MANBA: variants seen among roughly 807,000 people sequenced by gnomAD.
MANBA encodes beta-mannosidase.
In MANBA, 83 loss-of-function variants were observed where a neutral mutation model predicts 111.1. The ratio of observed to expected loss-of-function variants is 0.75; its 90% CI spans 0.63 to 0.90. MANBA has a LOEUF of 0.90. Ranked by LOEUF, MANBA falls within the 40% of genes least tolerant of loss-of-function variation. The pLI is 0.00. For missense variants in MANBA, 1,036 were observed against 1,069.0 expected, an observed-to-expected ratio of 0.97 and a Z score of 0.43; for synonymous variants, 370 against 378.7, an observed-to-expected ratio of 0.98 and a Z score of 0.27.
chr4:102,749,644 A>T (rs902513749), intron 1 of MANBA, among the ~76,000 whole-genome samples: 1 of 152,222 alleles, frequency 6.6e-6, no homozygotes, highest in Non-Finnish European at 1.5e-5. Flanking sequence ...CATCCATTAT[A>T]TGCATCATCT....
At chr4:102,644,750 T>G (rs776912386) in intron 13 of MANBA, among the ~76,000 whole-genome samples, 2 of 152,112 alleles carry the variant, frequency 1.3e-5, no homozygotes, top group Non-Finnish European at 1.5e-5. Context: ...GCTAACAGGG[T>G]AGATTTTAAG....
chr4:102,669,063 TAA>T lies in MANBA; in HGVS notation c.1231-16_1231-15del, dbSNP rs1389335993. On this transcript the variant is annotated splice_polypyrimidine_tract_variant and intron_variant, in intron 9 of 16. Transcript: ENST00000647097. ...ATCCTGCCATACCTAGCAAATCAAA[TAA>T]AAGGGAATGCAACACTTCCATAAGT... is the stretch of plus-strand genomic sequence containing the variant. 6 of 1,578,002 alleles carry T rather than the reference TAA, an allele frequency of 3.8e-6. No individual in the cohort carries two copies. The highest frequency in any genetic ancestry group is 1.7e-4 in the Middle Eastern group (1 of 6,010).
chr4:102,693,414 A>G (rs1261008939), intron 5 of MANBA, among the ~76,000 whole-genome samples: 1 of 152,220 alleles, frequency 6.6e-6, no homozygotes, highest in Non-Finnish European at 1.5e-5. Flanking sequence ...GTAATCTGTT[A>G]GGATTGCAGC....
rs1447533470 is a variant in MANBA, at chr4:102,657,810, T to C, written c.1576A>G (p.Asn526Asp). 6.2e-7 allele frequency: 1 copy of C among 1,613,676 alleles called. No individual in the cohort carries two copies. The highest frequency in any genetic ancestry group is 8.5e-7 in the Non-Finnish European group (1 of 1,179,612). Residue 526 changes from asparagine (N) to aspartate (D), a missense_variant, in exon 12 of 17, where the codon AAT becomes GAT. Coordinates refer to ENST00000647097, the MANE Select transcript of MANBA (RefSeq NM_005908.4). ...EAWVSQNPNS[N>D]YFGDVHFYDY... Reference sequence around the variant, plus strand: ...TAAAAATGTACATCACCAAAATAATTGCTATTAGGGTTTTGAGAGACCCAG... The same window carrying C: ...TAAAAATGTACATCACCAAAATAATCGCTATTAGGGTTTTGAGAGACCCAG...
chr4:102,633,830 T>A (rs1305159007), intron 16 of MANBA, among the ~76,000 whole-genome samples: 5 of 152,150 alleles, frequency 3.3e-5, no homozygotes, highest in Non-Finnish European at 7.3e-5. Context: ...TTTCTTCTGT[T>A]CTCTATTAGT....
chr4:102,702,285 C>G (rs897816978), intron 5 of MANBA, among the ~76,000 whole-genome samples: 4 of 151,814 alleles, frequency 2.6e-5, no homozygotes, highest in African/African-American at 9.7e-5. Flanking sequence ...AAGTTTTTAA[C>G]TTCTTTGCCT....
chr4:102,657,639 A>G, intron 12 of MANBA, 43 bp downstream of exon 12: 1 of 1,444,074 alleles, frequency 6.9e-7, no homozygotes, highest in South Asian at 1.1e-5. Flanking sequence ...ACATGCCCAC[A>G]GTCTATCATT....
Position 102,647,274 on chromosome 4 carries a change from G to A in MANBA, c.1869+3263C>T, listed in dbSNP as rs1260819051. Reference sequence around the variant, plus strand: ...TAGTATGTTGGAAAGTGCCAAGGTAGACACTAACAAGCCACACGAGGACAA... The same window carrying A: ...TAGTATGTTGGAAAGTGCCAAGGTAAACACTAACAAGCCACACGAGGACAA... On this transcript the variant is annotated intron_variant, in intron 13 of 16. Coordinates refer to ENST00000647097, the MANE Select transcript of MANBA (RefSeq NM_005908.4). Among the ~76,000 whole-genome samples, 5 of 147,484 alleles carry A rather than the reference G, an allele frequency of 3.4e-5. No individual in the cohort carries two copies. In the East Asian group the frequency reaches 5.9e-4, roughly 17 times the overall value.
chr4:102,699,592 C>T (rs1194328573), intron 5 of MANBA, among the ~76,000 whole-genome samples: 1 of 150,832 alleles, frequency 6.6e-6, no homozygotes, highest in Non-Finnish European at 1.5e-5. Flanking sequence ...TGTCAAAGGC[C>T]TTTTCTGCAT....
intron 7 of MANBA, 49 bp from the exon 8 acceptor site, chr4:102,674,119 A>G (rs1731618412): frequency 1.4e-6 from 2 of 1,443,082 alleles, no homozygotes; most frequent in Middle Eastern, 2.1e-4. Context: ...AACATAAGCA[A>G]AATAGTTTTT....
intron 1 of MANBA, among the ~76,000 whole-genome samples, chr4:102,734,836 A>G (rs1723151729): frequency 6.6e-6 from 1 of 152,138 alleles, no homozygotes; most frequent in Non-Finnish European, 1.5e-5. Flanking sequence ...TTTAGAGTCA[A>G]GGGGACTGAA....
Position 102,730,147 on chromosome 4 carries a change from A to G in MANBA, c.178-3464T>C. The G allele has an allele frequency of 3.4e-6, 4 of 1,190,800 alleles. No individual in the cohort carries two copies. In the South Asian group the frequency reaches 6.3e-5, roughly 19 times the overall value. 73.8% of individuals were successfully genotyped at this position (1,190,800 alleles called of 1,614,324 possible). On this transcript the variant is annotated intron_variant, in intron 1 of 16. Transcript: ENST00000647097. ...GGCCCAGAGGTGGACACCTTGTAGG[A>G]CTTCTGGGTCACCCTGATGGACATG...
At chr4:102,651,594 G>T (rs228625) in intron 12 of MANBA, among the ~76,000 whole-genome samples, 67,938 of 151,762 alleles carry the variant, frequency 0.45, 15,525 homozygotes, top group South Asian at 0.53. Context: ...AACATACTCT[G>T]CCCCTCCACC....
chr4:102,724,295 C>T (rs576920078), intron 2 of MANBA, among the ~76,000 whole-genome samples: 6 of 152,294 alleles, frequency 3.9e-5, no homozygotes, highest in Admixed American at 6.5e-5. Context: ...CAGTGGCTCA[C>T]GCCTGTAATC....
chr4:102,665,238 A>C (rs1731166990), intron 10 of MANBA: 1 of 216,982 alleles, frequency 4.6e-6, no homozygotes, highest in Admixed American at 5.5e-5. Flanking sequence ...GGTTCTTAAG[A>C]GCAAATTGGA....
chr4:102,696,292 G>A (rs557867291), intron 5 of MANBA, among the ~76,000 whole-genome samples: 5 of 152,226 alleles, frequency 3.3e-5, no homozygotes, highest in Non-Finnish European at 7.4e-5. Flanking sequence ...TCTGCTAAAC[G>A]TGTATTTATA....
intron 5 of MANBA, among the ~76,000 whole-genome samples, chr4:102,701,469 T>C (rs1032523224): frequency 1.3e-5 from 2 of 152,222 alleles, no homozygotes; most frequent in African/African-American, 4.8e-5. Context: ...GGTCTTTACA[T>C]TTTGGCATGA....
At position 102,632,085 on chromosome 4, in the gene MANBA, T is replaced by C. The variant is rs1729402934; in HGVS notation, c.2612A>G (p.His871Arg). The C allele has an allele frequency of 1.2e-6, 2 of 1,608,776 alleles. No individual in the cohort carries two copies. Among genetic ancestry groups the C allele is most frequent in the Non-Finnish European group, 1.7e-6 (2 of 1,176,302 alleles). The change falls in exon 17 of 17, where the codon CAT (histidine) becomes CGT (arginine). Residue 871 changes from histidine to arginine, a missense_variant. By Grantham distance (29) the His-to-Arg change is conservative (BLOSUM62 0). Coordinates refer to ENST00000647097, the MANE Select transcript of MANBA (RefSeq NM_005908.4). The part of the protein sequence containing the change: ...TSKNELEQSF[H>R]VTSLTDIY ...GTAAATATCTGTTAAGGAGGTCACA[T>C]GAAAAGATTGCTCCAACTCATTCTT...
chr4:102,697,571 T>C (rs1293296238), intron 5 of MANBA, among the ~76,000 whole-genome samples: 7 of 139,854 alleles, frequency 5.0e-5, no homozygotes, highest in African/African-American at 1.6e-4. Context: ...TGTGTTCTCA[T>C]TGTTCAATTC....
Sources: allele counts gnomAD v4.1 joint callset (sites outside exome capture counted in the v4.1 genomes callset), GRCh38; gene constraint gnomAD v4.1.1; transcripts MANE v1.5; gene names NCBI Gene and HGNC (gene_info 2026-07-23, HGNC 2026-07-21).